CNTNAP2: variants seen among roughly 807,000 people sequenced by gnomAD.
CNTNAP2 encodes the protein contactin-associated protein-like 2.
CNTNAP2 carries 98 observed loss-of-function variants against 155.2 expected under a neutral mutation model. That is an observed-to-expected ratio of 0.63 (90% CI 0.54 to 0.75). The LOEUF (loss-of-function observed/expected upper bound fraction) is 0.75. Ranked by LOEUF, CNTNAP2 falls within the 30% of genes least tolerant of loss-of-function variation. CNTNAP2 has a pLI of 0.00. For synonymous variants in CNTNAP2, 651 were observed against 631.2 expected, an observed-to-expected ratio of 1.03 and a Z score of -0.47; for missense variants, 1,727 against 1,688.1, an observed-to-expected ratio of 1.02 and a Z score of -0.40.
chr7:146,532,921 AAAAAATAAAAATAAAT>A (rs778658299), intron 1 of CNTNAP2, among the ~76,000 whole-genome samples: 61 of 151,714 alleles, frequency 4.0e-4, no homozygotes, highest in Admixed American at 3.2e-3. Flanking sequence ...CATCTCTACT[AAAAAATAAAAATAAAT>A]AAAAATAAAA....
At chr7:146,391,608 T>G (rs896883174) in intron 1 of CNTNAP2, among the ~76,000 whole-genome samples, 2 of 152,234 alleles carry the variant, frequency 1.3e-5, no homozygotes, top group African/African-American at 4.8e-5. Flanking sequence ...AAGCTAATTC[T>G]AATTTCTAGT....
chr7:148,399,973 C>T (rs1281190506), intron 22 of CNTNAP2, among the ~76,000 whole-genome samples: 1 of 152,166 alleles, frequency 6.6e-6, no homozygotes, highest in Middle Eastern at 3.2e-3. Flanking sequence ...ACTCTGGGAG[C>T]CTGTTAGAAA....
chr7:146,370,826 T>G (rs1795223866), intron 1 of CNTNAP2, among the ~76,000 whole-genome samples: 5 of 152,188 alleles, frequency 3.3e-5, no homozygotes, highest in Admixed American at 3.3e-4. Flanking sequence ...GTTTATAATA[T>G]GGATCCTTAT....
At chr7:146,646,053 A>G (rs921721740) in intron 1 of CNTNAP2, among the ~76,000 whole-genome samples, 1 of 152,214 alleles carries the variant, frequency 6.6e-6, no homozygotes, top group Non-Finnish European at 1.5e-5. Context: ...AAAGGTTTCC[A>G]ACATTAAATT....
At chr7:147,182,785 C>T (rs1257937613) in intron 8 of CNTNAP2, among the ~76,000 whole-genome samples, 1 of 151,986 alleles carries the variant, frequency 6.6e-6, no homozygotes, top group African/African-American at 2.4e-5. Flanking sequence ...GAGCTTCATA[C>T]TCTACTTTCT....
At chr7:147,805,555 A>G (rs1056756037) in intron 13 of CNTNAP2, among the ~76,000 whole-genome samples, 4 of 152,110 alleles carry the variant, frequency 2.6e-5, no homozygotes, top group African/African-American at 9.7e-5. Flanking sequence ...GACATTACCT[A>G]TGGGTTTGTC....
At chr7:147,130,684 T>C (rs977964812) in intron 7 of CNTNAP2, among the ~76,000 whole-genome samples, 4 of 152,082 alleles carry the variant, frequency 2.6e-5, no homozygotes, top group African/African-American at 7.2e-5. Context: ...CTTTCAAAGA[T>C]GTTGGGTGCT....
chr7:148,056,634 T>C (rs916423938), intron 15 of CNTNAP2: 3 of 152,164 alleles, frequency 2.0e-5, no homozygotes, highest in Non-Finnish European at 4.4e-5. Flanking sequence ...GAATATGAGA[T>C]GAAGACAGGA....
intron 1 of CNTNAP2, among the ~76,000 whole-genome samples, chr7:146,590,336 C>A (rs373701025): frequency 1.2e-4 from 18 of 152,228 alleles, no homozygotes; most frequent in Admixed American, 7.9e-4. Flanking sequence ...TCATAACACA[C>A]AATTTCAACA....
rs1174836517 is a variant in CNTNAP2, at chr7:148,415,941, T to C, written c.*325T>C. 8.5e-6 allele frequency: 3 copies of C among 353,784 alleles called. No individual in the cohort carries two copies. Among genetic ancestry groups the C allele is most frequent in the Admixed American group, 4.3e-5 (1 of 23,034 alleles). 21.9% of individuals were successfully genotyped at this position (353,784 alleles called of 1,614,324 possible). On this transcript the variant is annotated 3_prime_UTR_variant, in exon 24 of 24. Coordinates refer to ENST00000361727, the MANE Select transcript of CNTNAP2 (RefSeq NM_014141.6). ...TGTTTAGAGGTGTTCTAAAGACCCGTGGTAACAGGGCAAGTTTTCTACGTT... is the reference window on the plus strand; with the variant it reads ...TGTTTAGAGGTGTTCTAAAGACCCGCGGTAACAGGGCAAGTTTTCTACGTT...
rs1796810948 is a variant in CNTNAP2 at position 146,932,948 on chromosome 7, A to G, written c.402+93044A>G. On this transcript the variant is annotated intron_variant, in intron 3 of 23. Transcript: ENST00000361727. ...CAATGAAATAAAACAGGATACAAAG[A>G]AATGGAAGAACATTCCATGCTCATG... is the stretch of plus-strand genomic sequence containing the variant. 2.0e-5 allele frequency among the ~76,000 whole-genome samples: 3 copies of G among 152,302 alleles called. No individual in the cohort carries two copies. In the South Asian group the frequency reaches 6.2e-4, roughly 32 times the overall value.
chr7:146,274,957 G>A (rs6949894), intron 1 of CNTNAP2, among the ~76,000 whole-genome samples: 3,839 of 152,226 alleles, frequency 0.025, 175 homozygotes, highest in African/African-American at 0.088. Context: ...CTTCACCTGG[G>A]ACACCTGTTA....
chr7:146,624,067 G>A (rs966222812), intron 1 of CNTNAP2, among the ~76,000 whole-genome samples: 6 of 151,860 alleles, frequency 4.0e-5, no homozygotes, highest in Non-Finnish European at 7.4e-5. Context: ...TTTTGATACC[G>A]TGTCTTTTTG....
In CNTNAP2 at chr7:146,206,411, C is replaced by G. The variant is rs151042652; in HGVS notation, c.97+89438C>G. Among the ~76,000 whole-genome samples the G allele has an allele frequency of 1.4e-4, 21 of 151,850 alleles. No individual in the cohort carries two copies. In the East Asian group the frequency reaches 2.9e-3, roughly 21 times the overall value. On this transcript the variant is annotated intron_variant, in intron 1 of 23. Coordinates refer to ENST00000361727, the MANE Select transcript of CNTNAP2 (RefSeq NM_014141.6). ...TTCATTCATGAGTCATAGATAATAT[C>G]AAAGCTGTCTTGGATGCTGTTAGGA...
chr7:148,398,579 G>T (rs938326126), intron 22 of CNTNAP2, among the ~76,000 whole-genome samples: 4 of 152,180 alleles, frequency 2.6e-5, no homozygotes, highest in Non-Finnish European at 5.9e-5. Flanking sequence ...TCCACAGAGG[G>T]AGAGTAAAAG....
chr7:146,829,156 A>G (rs1325570684), intron 2 of CNTNAP2, among the ~76,000 whole-genome samples: 2 of 152,032 alleles, frequency 1.3e-5, no homozygotes, highest in Admixed American at 6.6e-5. Flanking sequence ...TATTTTTTAA[A>G]TACATGAAAC....
intron 1 of CNTNAP2, among the ~76,000 whole-genome samples, chr7:146,495,348 G>A (rs1029490670): frequency 6.6e-6 from 1 of 152,138 alleles, no homozygotes; most frequent in Non-Finnish European, 1.5e-5. Context: ...CCACAGAATA[G>A]AGACAATAAA....
At chr7:147,744,513 G>T (rs555590454) in intron 13 of CNTNAP2, among the ~76,000 whole-genome samples, 1 of 152,248 alleles carries the variant, frequency 6.6e-6, no homozygotes, top group East Asian at 1.9e-4. Context: ...TGTTCAGGAC[G>T]TCAGAGGACA....
chr7:147,186,465 C>T (rs1802569272), intron 8 of CNTNAP2, among the ~76,000 whole-genome samples: 1 of 152,082 alleles, frequency 6.6e-6, no homozygotes, highest in Non-Finnish European at 1.5e-5. Context: ...AGCCAAGAAA[C>T]ACAGTTCTTG....
Sources: allele counts gnomAD v4.1 joint callset (sites outside exome capture counted in the v4.1 genomes callset), GRCh38; gene constraint gnomAD v4.1.1; transcripts MANE v1.5; gene names NCBI Gene and HGNC (gene_info 2026-07-23, HGNC 2026-07-21).